SGCZ: variants seen among roughly 807,000 people sequenced by gnomAD.
The protein encoded by SGCZ is sarcoglycan zeta.
Under a neutral mutation model 41.3 loss-of-function variants are expected in SGCZ, and 40 were observed. The observed-to-expected ratio is 0.97, with a 90% CI of 0.75 to 1.26. The LOEUF is 1.26. Ranked by LOEUF, SGCZ falls within the 50% of genes most tolerant of loss-of-function variation. The pLI is 0.00. For synonymous variants in SGCZ, 206 were observed against 137.5 expected, an observed-to-expected ratio of 1.50 and a Z score of -3.49; for missense variants, 552 against 369.8, an observed-to-expected ratio of 1.49 and a Z score of -4.04.
intron 1 of SGCZ, among the ~76,000 whole-genome samples, chr8:15,220,414 G>C (rs1250009681): frequency 6.6e-6 from 1 of 152,104 alleles, no homozygotes; most frequent in African/African-American, 2.4e-5. Flanking sequence ...AGAAAGTGGA[G>C]ACACAAAGCT....
chr8:14,756,560 A>G lies in SGCZ; in HGVS notation c.40-201634T>C, dbSNP rs1057243031. On this transcript the variant is annotated intron_variant, in intron 1 of 7. Coordinates refer to ENST00000382080, the MANE Select transcript of SGCZ (RefSeq NM_139167.4). ...ATGACTCTAATATGTTTCAAACTCT[A>G]ACATCATTATGAGTTTGCATTTCTA... Among the ~76,000 whole-genome samples the G allele has an allele frequency of 2.0e-5, 3 of 152,092 alleles. 1 individual carries two copies. Among genetic ancestry groups the G allele is most frequent in the Non-Finnish European group, 4.4e-5 (3 of 68,026 alleles).
intron 7 of SGCZ, among the ~76,000 whole-genome samples, chr8:14,094,057 C>T (rs745775499): frequency 1.4e-4 from 21 of 151,976 alleles, no homozygotes; most frequent in African/African-American, 4.8e-4. Context: ...AGTTACAAAC[C>T]CACCTCCCAA....
intron 3 of SGCZ, among the ~76,000 whole-genome samples, chr8:14,272,453 A>G (rs1047169712): frequency 6.6e-6 from 1 of 152,246 alleles, no homozygotes; most frequent in Admixed American, 6.5e-5. Context: ...CAGAAGTAAA[A>G]GTCCTGACTG....
intron 2 of SGCZ, among the ~76,000 whole-genome samples, chr8:14,486,313 G>T (rs1280076650): frequency 2.6e-5 from 4 of 152,108 alleles, no homozygotes; most frequent in Non-Finnish European, 5.9e-5. Context: ...ATGGTAGTAA[G>T]AACCACTAAA....
intron 5 of SGCZ, among the ~76,000 whole-genome samples, chr8:14,118,724 G>A (rs1324802031): frequency 6.6e-6 from 1 of 152,126 alleles, no homozygotes; most frequent in Non-Finnish European, 1.5e-5. Context: ...AATCCATCTT[G>A]AGTTAATTTT....
intron 1 of SGCZ, among the ~76,000 whole-genome samples, chr8:15,041,175 A>C (rs139290112): frequency 4.6e-5 from 7 of 151,970 alleles, no homozygotes; most frequent in African/African-American, 1.7e-4. Flanking sequence ...CATAGAGTTA[A>C]ATTAGATCAC....
intron 1 of SGCZ, among the ~76,000 whole-genome samples, chr8:14,807,973 C>A (rs13253789): frequency 0.67 from 101,086 of 150,266 alleles, 35,545 homozygotes; most frequent in African/African-American, 0.88. Context: ...AAAAACAAAC[C>A]ATGGGGAAAG....
chr8:15,025,475 G>A (rs1319497234), intron 1 of SGCZ, among the ~76,000 whole-genome samples: 1 of 152,194 alleles, frequency 6.6e-6, no homozygotes, highest in Non-Finnish European at 1.5e-5. Context: ...CTAGCTGAGA[G>A]GTAGAGAGGC....
chr8:14,107,937 C>T (rs1421304336), intron 6 of SGCZ, among the ~76,000 whole-genome samples: 2 of 152,176 alleles, frequency 1.3e-5, no homozygotes, highest in South Asian at 4.1e-4. Flanking sequence ...GCCACCGTGC[C>T]CGGCCTCAGG....
At position 14,467,233 on chromosome 8, in the gene SGCZ, T is replaced by A. The variant is rs552430325; in HGVS notation, c.234+87499A>T. 3.8e-4 allele frequency among the ~76,000 whole-genome samples: 58 copies of A among 152,010 alleles called. 1 individual carries two copies. Among genetic ancestry groups the A allele is most frequent in the African/African-American group, 1.3e-3 (55 of 41,428 alleles). On this transcript the variant is annotated intron_variant, in intron 2 of 7. Coordinates refer to ENST00000382080, the MANE Select transcript of SGCZ (RefSeq NM_139167.4). The stretch of plus-strand genomic sequence containing the variant: ...TTGAGGTTGCTTCTGAAGATGCTAG[T>A]CTTTAATACCTGGATTCCAAAAGTT...
chr8:14,665,380 T>A (rs183142442), intron 1 of SGCZ, among the ~76,000 whole-genome samples: 2 of 152,330 alleles, frequency 1.3e-5, no homozygotes, highest in Admixed American at 1.3e-4. Context: ...CCATGGTGTA[T>A]ACGTGCCACA....
chr8:14,410,400 G>A (rs60654520), intron 2 of SGCZ, among the ~76,000 whole-genome samples: 21 of 145,772 alleles, frequency 1.4e-4, no homozygotes, highest in African/African-American at 1.8e-4. Context: ...AATAATTTAA[G>A]AAAAAAAAAA....
chr8:14,372,636 A>G (rs1358876050), intron 2 of SGCZ, among the ~76,000 whole-genome samples: 1 of 152,166 alleles, frequency 6.6e-6, no homozygotes, highest in African/African-American at 2.4e-5. Flanking sequence ...AGCATTTTGA[A>G]CAAATAACTG....
rs185326296 is a variant in SGCZ, at chr8:14,450,489, G to A, written c.234+104243C>T. ...GAGAAAATGTCTGTGTTGAAGTACA[G>A]TCATATGCCTTATCGAGAGTGTTCC... On this transcript the variant is annotated intron_variant, in intron 2 of 7. Coordinates refer to ENST00000382080, the MANE Select transcript of SGCZ (RefSeq NM_139167.4). Among the ~76,000 whole-genome samples, 5 of 152,276 alleles carry A rather than the reference G, an allele frequency of 3.3e-5. No homozygotes were observed. In the East Asian group the frequency reaches 9.6e-4, roughly 29 times the overall value.
chr8:14,621,887 C>G (rs996784952), intron 1 of SGCZ, among the ~76,000 whole-genome samples: 3 of 152,080 alleles, frequency 2.0e-5, no homozygotes, highest in African/African-American at 4.8e-5. Context: ...AGTCTCTCCT[C>G]TGTCATACAC....
At chr8:15,082,437 T>G (rs1015388821) in intron 1 of SGCZ, among the ~76,000 whole-genome samples, 1 of 95,532 alleles carries the variant, frequency 1.0e-5, no homozygotes, top group Admixed American at 1.3e-4. Context: ...TGTGTGTATA[T>G]CTCTAAGTGT....
At chr8:14,937,056 TA>T (rs1171948433) in intron 1 of SGCZ, among the ~76,000 whole-genome samples, 2 of 151,644 alleles carry the variant, frequency 1.3e-5, no homozygotes, top group Non-Finnish European at 3.0e-5. Flanking sequence ...CAGAGATTAA[TA>T]AGATAGAAAA....
intron 1 of SGCZ, among the ~76,000 whole-genome samples, chr8:14,992,280 A>T (rs1802040644): frequency 6.8e-6 from 1 of 147,908 alleles, no homozygotes; most frequent in African/African-American, 2.5e-5. Context: ...ACCCTCAACT[A>T]TTCAACTCCA....
intron 1 of SGCZ, among the ~76,000 whole-genome samples, chr8:14,733,455 C>A (rs1173170998): frequency 6.6e-6 from 1 of 152,142 alleles, no homozygotes; most frequent in African/African-American, 2.4e-5. Flanking sequence ...TCTTCTTTCC[C>A]GGCATTCATG....
Sources: gnomAD v4.1 joint callset for allele counts (sites outside exome capture counted in the v4.1 genomes callset) on GRCh38, gnomAD v4.1.1 for gene constraint, MANE v1.5 for transcripts, NCBI Gene and HGNC (gene_info 2026-07-23, HGNC 2026-07-21) for gene names.